Variants in EXD1 observed in about 807,000 individuals in gnomAD.
EXD1 encodes the protein exonuclease 3'-5' domain containing 1.
A neutral mutation model predicts 49.1 loss-of-function variants in EXD1; 63 were observed. The observed-to-expected ratio is 1.28, with a 90% CI of 1.05 to 1.58. The LOEUF (loss-of-function observed/expected upper bound fraction) is 1.58. EXD1 is among the 40% of genes most tolerant of loss of function. EXD1 has a pLI of 0.00. For missense variants in EXD1, 748 were observed against 666.0 expected (o/e 1.12, Z -1.36); for synonymous variants, 234 against 239.2 (o/e 0.98, Z 0.20).
intron 4 of EXD1, 63 bp downstream of exon 4, chr15:41,217,034 G>A: frequency 2.1e-6 from 3 of 1,461,518 alleles, no homozygotes; most frequent in Admixed American, 3.6e-5. Context: ...TTAGAGTTAA[G>A]GCTTTCTACC....
intron 6 of EXD1, among the ~76,000 whole-genome samples, chr15:41,212,826 C>G (rs897224999): frequency 1.3e-5 from 2 of 152,132 alleles, no homozygotes; most frequent in African/African-American, 4.8e-5. Flanking sequence ...ATTGCTTGAG[C>G]CCAGTAGTTT....
chr15:41,205,640 C>T (rs1045426801), intron 7 of EXD1, among the ~76,000 whole-genome samples: 5 of 146,848 alleles, frequency 3.4e-5, no homozygotes, highest in African/African-American at 1.2e-4. Flanking sequence ...TTAGCTATCA[C>T]GGTGGGATGT....
At chr15:41,200,957 T>A (rs765227757) in intron 7 of EXD1, among the ~76,000 whole-genome samples, 28 of 151,372 alleles carry the variant, frequency 1.8e-4, no homozygotes, top group Admixed American at 3.3e-4. Context: ...CACTGCAACC[T>A]CCACCTCCCA....
At chr15:41,187,646 C>G (rs1207375557) in intron 11 of EXD1, among the ~76,000 whole-genome samples, 1 of 152,032 alleles carries the variant, frequency 6.6e-6, no homozygotes, top group Admixed American at 6.6e-5. Flanking sequence ...ATGATTTTGT[C>G]ACACTGAACC....
At chr15:41,194,044 C>T (rs1247579930) in intron 9 of EXD1, among the ~76,000 whole-genome samples, 3 of 121,120 alleles carry the variant, frequency 2.5e-5, no homozygotes, top group African/African-American at 9.6e-5. Context: ...CGGAGTCTTG[C>T]TCTCTCTCCC....
chr15:41,214,598 C>G (rs78267084), intron 6 of EXD1, among the ~76,000 whole-genome samples: 3,981 of 152,190 alleles, frequency 0.026, 182 homozygotes, highest in African/African-American at 0.091. Flanking sequence ...CTAGAAAGCC[C>G]TAAGTGAACT....
chr15:41,226,239 G>T (rs1566997008), intron 2 of EXD1, among the ~76,000 whole-genome samples: 1 of 151,680 alleles, frequency 6.6e-6, no homozygotes, highest in Admixed American at 6.6e-5. Flanking sequence ...GCAACAGAGC[G>T]AGACTCCATC....
chr15:41,208,369 GAAAAAAA>G (rs10586810), intron 7 of EXD1, among the ~76,000 whole-genome samples: 34 of 62,680 alleles, frequency 5.4e-4, no homozygotes, highest in East Asian at 2.2e-3. Context: ...ACTCATCTCT[GAAAAAAA>G]AAAAAAAAAA....
Position 41,190,133 on chromosome 15 carries a change from A to C in EXD1, c.865-5T>G, listed in dbSNP as rs1453435795. The C allele has an allele frequency of 1.2e-6, 2 of 1,613,928 alleles. No individual in the cohort carries two copies. Among genetic ancestry groups the C allele is most frequent in the East Asian group, 4.5e-5 (2 of 44,898 alleles). ...GAACCATACTTCTGGATTTTCCTGG[A>C]GACAATAAAACAATTTCCTCTGAAC... is the stretch of plus-strand genomic sequence containing the variant. On this transcript the variant is annotated splice_region_variant and splice_polypyrimidine_tract_variant and intron_variant, in intron 10 of 11. Coordinates refer to ENST00000458580, the MANE Select transcript of EXD1 (RefSeq NM_001286441.2).
chr15:41,195,749 T>G, intron 9 of EXD1, 26 bp downstream of exon 9: 1 of 1,598,402 alleles, frequency 6.3e-7, no homozygotes, highest in Non-Finnish European at 8.5e-7. Flanking sequence ...TATACTGGTT[T>G]GAATCCAGTG....
chr15:41,209,554 C>T lies in EXD1; in HGVS notation c.481G>A (p.Val161Met), dbSNP rs748817970. ...CATACATTCGCTCCTTCTGCTGCCA[C>T]ACTCAGGACATTCTGCTTCTTGATA... ...LHIKKQNVLS[V>M]AAEGANVCRH... Residue 161 changes from valine to methionine, a missense_variant, in exon 7 of 12, where the codon GTG becomes ATG. Val to Met is a conservative substitution (Grantham distance 21, BLOSUM62 1). Transcript: ENST00000458580. 13 of 1,614,096 alleles carry T rather than the reference C, an allele frequency of 8.1e-6. 1 individual carries two copies. The Admixed American group carries it at 1.5e-4, about 19-fold the overall frequency.
chr15:41,192,594 A>ATT lies in EXD1; in HGVS notation c.721-1011_721-1010dup, dbSNP rs59054803. ...ACAGGCGTGAACCACTGCGCCAGGC[A>ATT]TTTTTTTTTTTTTTTTTTTTTTTTT... is the stretch of plus-strand genomic sequence containing the variant. On this transcript the variant is annotated intron_variant, in intron 9 of 11. Transcript: ENST00000458580. 5.9e-4 allele frequency among the ~76,000 whole-genome samples: 24 copies of ATT among 40,870 alleles called. 3 individuals are homozygous for ATT. The highest frequency in any genetic ancestry group is 9.9e-4 in the Admixed American group (3 of 3,024). 26.8% of individuals were successfully genotyped at this position (40,870 alleles called of 152,430 possible). A position where few individuals can be genotyped will look rare whatever the true frequency, so the allele number is the denominator to read the frequency against.
intron 7 of EXD1, among the ~76,000 whole-genome samples, chr15:41,204,247 CAA>C (rs773719149): frequency 1.0e-3 from 78 of 76,040 alleles, no homozygotes; most frequent in East Asian, 5.3e-3. Flanking sequence ...GACTCTGTCT[CAA>C]AAAAAAAAAA....
intron 1 of EXD1, among the ~76,000 whole-genome samples, chr15:41,229,375 G>C (rs1253677387): frequency 1.3e-5 from 2 of 152,154 alleles, no homozygotes; most frequent in African/African-American, 4.8e-5. Flanking sequence ...CTACTCAGGA[G>C]GCTGAGGCAT....
chr15:41,227,909 C>G (rs1566997900), intron 1 of EXD1, among the ~76,000 whole-genome samples: 1 of 151,448 alleles, frequency 6.6e-6, no homozygotes. Context: ...AATTAGCCAG[C>G]TGTAGTGACG....
chr15:41,222,934 CAAAAAAA>C (rs562493256), intron 2 of EXD1, among the ~76,000 whole-genome samples: 56 of 100,174 alleles, frequency 5.6e-4, no homozygotes, highest in African/African-American at 6.5e-4. Flanking sequence ...GACTCTGTCT[CAAAAAAA>C]AAAAAAAAAA....
intron 7 of EXD1, among the ~76,000 whole-genome samples, chr15:41,202,786 T>C (rs1398027719): frequency 1.3e-5 from 2 of 151,886 alleles, no homozygotes; most frequent in Non-Finnish European, 2.9e-5. Context: ...GGCCCAGTGG[T>C]GTGTGCCTGT....
chr15:41,216,580 G>A (rs969473994), intron 5 of EXD1, 88 bp downstream of exon 5: 24 of 1,358,410 alleles, frequency 1.8e-5, no homozygotes, highest in African/African-American at 7.4e-5. Flanking sequence ...GCAGTGAGCC[G>A]AGATCACGCC....
At position 41,184,428 on chromosome 15, in the gene EXD1, T is replaced by C. The variant is rs1190664386; in HGVS notation, c.1222A>G (p.Lys408Glu). ...LVTETAGKEE[K>E]VKGFLFGKNF... ...TTACCAAATAAGAAGCCTTTGACTT[T>C]CTCCTCTTTCCCTGCTGTCTCTGTC... The change falls in exon 12 of 12, where the codon AAA becomes GAA. Residue 408 changes from lysine to glutamate, a missense_variant. By Grantham distance (56) the Lys-to-Glu change is moderately conservative (BLOSUM62 1). Transcript: ENST00000458580. 3 of 1,614,052 alleles carry C rather than the reference T, an allele frequency of 1.9e-6. No individual in the cohort carries two copies. The highest frequency in any genetic ancestry group is 1.7e-6 in the Non-Finnish European group (2 of 1,180,052).
Sources: gnomAD v4.1 joint callset for allele counts (sites outside exome capture counted in the v4.1 genomes callset) on GRCh38, gnomAD v4.1.1 for gene constraint, MANE v1.5 for transcripts, NCBI Gene and HGNC (gene_info 2026-07-23, HGNC 2026-07-21) for gene names.